ARSJ: variants seen among roughly 807,000 people sequenced by gnomAD.
The protein encoded by ARSJ is arylsulfatase J.
ARSJ carries 26 observed loss-of-function variants against 35.9 expected under a neutral mutation model. The ratio of observed to expected loss-of-function variants is 0.72; its 90% CI spans 0.53 to 1.00. The LOEUF (loss-of-function observed/expected upper bound fraction) is 1.00, where lower values mean the gene tolerates loss of function less well. Ranked by LOEUF, ARSJ falls within the 50% of genes least tolerant of loss-of-function variation. ARSJ has a pLI of 0.00. For missense variants in ARSJ, 667 were observed against 723.6 expected, an observed-to-expected ratio of 0.92 and a Z score of 0.90; for synonymous variants, 294 against 267.6, an observed-to-expected ratio of 1.10 and a Z score of -0.96.
At chr4:113,913,927 C>T (rs577577861) in intron 1 of ARSJ, among the ~76,000 whole-genome samples, 2 of 152,116 alleles carry the variant, frequency 1.3e-5, no homozygotes, top group Admixed American at 1.3e-4. Flanking sequence ...TAGTTAGAAT[C>T]CTCAACGTAA....
At chr4:113,960,321 T>C (rs1046576461) in intron 1 of ARSJ, among the ~76,000 whole-genome samples, 4 of 152,076 alleles carry the variant, frequency 2.6e-5, no homozygotes, top group African/African-American at 7.2e-5. Flanking sequence ...TACTGGGCTA[T>C]TGAATTTGAT....
At chr4:113,959,207 C>A (rs1414639115) in intron 1 of ARSJ, among the ~76,000 whole-genome samples, 4 of 152,006 alleles carry the variant, frequency 2.6e-5, no homozygotes, top group Non-Finnish European at 5.9e-5. Flanking sequence ...AGAACATAAA[C>A]CTTAAAAGCC....
intron 1 of ARSJ, among the ~76,000 whole-genome samples, chr4:113,906,906 A>T (rs1562332441): frequency 6.6e-6 from 1 of 152,136 alleles, no homozygotes; most frequent in Non-Finnish European, 1.5e-5. Flanking sequence ...TAATTTATAG[A>T]TTTTTTATAT....
At chr4:113,975,993 A>T (rs1727566596) in intron 1 of ARSJ, among the ~76,000 whole-genome samples, 1 of 152,140 alleles carries the variant, frequency 6.6e-6, no homozygotes, top group African/African-American at 2.4e-5. Flanking sequence ...TTTCTTCTTC[A>T]TGGCTCCAAT....
chr4:113,941,373 T>C (rs543985924), intron 1 of ARSJ, among the ~76,000 whole-genome samples: 2 of 152,122 alleles, frequency 1.3e-5, no homozygotes, highest in South Asian at 2.1e-4. Context: ...ATTCAGAAAA[T>C]GTTTATTTGG....
At chr4:113,967,048 G>A (rs558390912) in intron 1 of ARSJ, among the ~76,000 whole-genome samples, 6 of 152,284 alleles carry the variant, frequency 3.9e-5, no homozygotes, top group Non-Finnish European at 7.4e-5. Context: ...TGGTTGGTAG[G>A]TTTGGTGTGG....
chr4:113,947,576 A>G (rs1725574169), intron 1 of ARSJ, among the ~76,000 whole-genome samples: 2 of 129,470 alleles, frequency 1.5e-5, no homozygotes, highest in South Asian at 3.0e-4. Flanking sequence ...GGGAGGAAAG[A>G]AGGGAAAGGA....
chr4:113,953,649 G>T (rs1196091046), intron 1 of ARSJ, among the ~76,000 whole-genome samples: 1 of 151,972 alleles, frequency 6.6e-6, no homozygotes, highest in East Asian at 1.9e-4. Context: ...GATCTATCTG[G>T]TAAAAATGCA....
chr4:113,969,260 A>G (rs1727088432), intron 1 of ARSJ, among the ~76,000 whole-genome samples: 1 of 152,228 alleles, frequency 6.6e-6, no homozygotes, highest in Non-Finnish European at 1.5e-5. Context: ...CTTAAAAAAT[A>G]CACCCCAGTC....
intron 1 of ARSJ, among the ~76,000 whole-genome samples, chr4:113,951,920 T>C (rs1434840065): frequency 1.3e-5 from 2 of 152,132 alleles, no homozygotes; most frequent in African/African-American, 4.8e-5. Context: ...CTTTTTAATG[T>C]CACGTTCAAC....
At chr4:113,904,293 T>A (rs2099668061) in intron 1 of ARSJ, among the ~76,000 whole-genome samples, 1 of 152,184 alleles carries the variant, frequency 6.6e-6, no homozygotes, top group Non-Finnish European at 1.5e-5. Flanking sequence ...CTTAATTACA[T>A]GACTGAAAAC....
chr4:113,911,247 ACTAGT>A (rs1252095662), intron 1 of ARSJ, among the ~76,000 whole-genome samples: 4 of 152,220 alleles, frequency 2.6e-5, no homozygotes, highest in Admixed American at 2.6e-4. Context: ...ACATATCTTG[ACTAGT>A]CTATAGAGGT....
chr4:113,978,416 A>G (rs1727722537), intron 1 of ARSJ, 21 bp downstream of exon 1: 4 of 1,543,332 alleles, frequency 2.6e-6, no homozygotes, highest in African/African-American at 1.4e-5. Context: ...AGGAATAAAT[A>G]TAAGAAGTAG....
At chr4:113,945,591 T>C (rs1377665764) in intron 1 of ARSJ, among the ~76,000 whole-genome samples, 1 of 152,100 alleles carries the variant, frequency 6.6e-6, no homozygotes, top group Non-Finnish European at 1.5e-5. Flanking sequence ...ATTCATCCTA[T>C]AGGGGAATTT....
intron 1 of ARSJ, among the ~76,000 whole-genome samples, chr4:113,948,981 C>T (rs556629102): frequency 1.3e-4 from 20 of 152,228 alleles, no homozygotes; most frequent in Non-Finnish European, 2.4e-4. Context: ...AAATGTGGCA[C>T]ATACGCACCA....
chr4:113,961,636 A>G (rs1726544187), intron 1 of ARSJ, among the ~76,000 whole-genome samples: 1 of 152,136 alleles, frequency 6.6e-6, no homozygotes, highest in African/African-American at 2.4e-5. Context: ...GAGATCACCA[A>G]TGTGGAAAAG....
chr4:113,960,323 GA>G (rs1726465848), intron 1 of ARSJ, among the ~76,000 whole-genome samples: 2 of 151,990 alleles, frequency 1.3e-5, no homozygotes, highest in South Asian at 4.1e-4. Flanking sequence ...CTGGGCTATT[GA>G]ATTTGATGAC....
In ARSJ at chr4:113,931,098, C is replaced by T. The variant is rs531684078; in HGVS notation, c.399-27423G>A. 7.9e-4 allele frequency among the ~76,000 whole-genome samples: 119 copies of T among 151,556 alleles called. 1 individual carries two copies. The highest frequency in any genetic ancestry group is 2.4e-3 in the African/African-American group (99 of 41,306). ...CTAGATGACGAGTTAGTGGGTGCAG[C>T]GCACCAGCATGGCACATGTATACAT... On this transcript the variant is annotated intron_variant, in intron 1 of 1. Coordinates refer to ENST00000315366, the MANE Select transcript of ARSJ (RefSeq NM_024590.4).
intron 1 of ARSJ, among the ~76,000 whole-genome samples, chr4:113,953,307 ATCT>A (rs1243798168): frequency 2.0e-5 from 3 of 152,054 alleles, no homozygotes; most frequent in South Asian, 2.1e-4. Flanking sequence ...GAGTGGACAC[ATCT>A]TCTCACTTAT....
Sources: allele counts gnomAD v4.1 joint callset (sites outside exome capture counted in the v4.1 genomes callset), GRCh38; gene constraint gnomAD v4.1.1; transcripts MANE v1.5; gene names NCBI Gene and HGNC (gene_info 2026-07-23, HGNC 2026-07-21).